KLHL14: variants seen among roughly 807,000 people sequenced by gnomAD.
KLHL14 encodes kelch like family member 14, also known as kelch-like protein 14.
In KLHL14, 22 loss-of-function variants were observed where a neutral mutation model predicts 64.3. That is an observed-to-expected ratio of 0.34 (90% CI 0.24 to 0.49). The LOEUF is 0.49. Ranked by LOEUF, KLHL14 falls within the 20% of genes least tolerant of loss-of-function variation. The pLI is 0.99. For synonymous variants in KLHL14, 322 were observed against 333.4 expected, an observed-to-expected ratio of 0.97 and a Z score of 0.37; for missense variants, 661 against 789.0, an observed-to-expected ratio of 0.84 and a Z score of 1.94.
At chr18:32,731,140 A>G (rs2050135253) in intron 3 of KLHL14, among the ~76,000 whole-genome samples, 1 of 152,244 alleles carries the variant, frequency 6.6e-6, no homozygotes, top group East Asian at 1.9e-4. Flanking sequence ...CCACAAAACC[A>G]AAAATTCTAA....
rs904466725 is a variant in KLHL14 at position 32,683,919 on chromosome 18, GA to G, written c.1238+3235del. Among the ~76,000 whole-genome samples, 7 of 152,064 alleles carry G rather than the reference GA, an allele frequency of 4.6e-5. No homozygotes were observed. The highest frequency in any genetic ancestry group is 4.6e-4 in the Admixed American group (7 of 15,262). Reference sequence around the variant, plus strand: ...TTTCTTGTAACACAAAATATTACTAGAAAAACAAAATATTTAAAATTTGATG... The same window carrying G: ...TTTCTTGTAACACAAAATATTACTAGAAAACAAAATATTTAAAATTTGATG... On this transcript the variant is annotated intron_variant, in intron 5 of 8. Transcript: ENST00000359358. This position sits in a 1 kb window ranked among gnomAD's most constrained non-coding sequence, Gnocchi z 4.2.
intron 2 of KLHL14, among the ~76,000 whole-genome samples, chr18:32,768,448 G>A (rs561921136): frequency 6.1e-4 from 91 of 148,230 alleles, no homozygotes; most frequent in African/African-American, 2.1e-3. Flanking sequence ...AATTCTATAA[G>A]GCTGCACAAG....
intron 3 of KLHL14, among the ~76,000 whole-genome samples, chr18:32,723,176 T>A (rs1327809293): frequency 6.6e-6 from 1 of 152,194 alleles, no homozygotes; most frequent in Non-Finnish European, 1.5e-5. Context: ...TTAAGGAGCT[T>A]GGTTAAGCCA....
chr18:32,679,182 G>A (rs9748435), intron 7 of KLHL14, among the ~76,000 whole-genome samples: 3 of 142,064 alleles, frequency 2.1e-5, no homozygotes, highest in East Asian at 4.0e-4. Context: ...GAATGAACAT[G>A]AACTTGGAAC....
intron 3 of KLHL14, among the ~76,000 whole-genome samples, chr18:32,727,018 A>G (rs1007219324): frequency 6.6e-6 from 1 of 152,202 alleles, no homozygotes; most frequent in Non-Finnish European, 1.5e-5. Context: ...GCCTTTGGAG[A>G]AAGAATTTCC....
At chr18:32,686,618 A>C (rs1455012435) in intron 5 of KLHL14, among the ~76,000 whole-genome samples, 1 of 152,198 alleles carries the variant, frequency 6.6e-6, no homozygotes, top group Non-Finnish European at 1.5e-5. Context: ...GTATGGATTC[A>C]AAGACATTTG....
intron 3 of KLHL14, among the ~76,000 whole-genome samples, chr18:32,709,507 A>C (rs896760727): frequency 4.0e-5 from 6 of 151,548 alleles, no homozygotes; most frequent in African/African-American, 1.5e-4. Flanking sequence ...GAGTGCAGTG[A>C]TGTGATCATA....
intron 3 of KLHL14, among the ~76,000 whole-genome samples, chr18:32,735,333 C>G (rs2050159851): frequency 6.6e-6 from 1 of 152,078 alleles, no homozygotes; most frequent in South Asian, 2.1e-4. Flanking sequence ...CACTGTGTGA[C>G]CCTAGGTATA....
Position 32,769,668 on chromosome 18 carries a change from G to C in KLHL14, c.924C>G (p.His308Gln). The change falls in exon 2 of 9, where the codon CAC (histidine) becomes CAG (glutamine). Residue 308 changes from histidine to glutamine, a missense_variant. Physicochemically the swap from His to Gln is conservative, Grantham distance 24 (BLOSUM62 0). Coordinates refer to ENST00000359358, the MANE Select transcript of KLHL14 (RefSeq NM_020805.3). Reference sequence around the variant, plus strand: ...ACCTGCTGGCCAGGCTCTGCCTGCAGTGCTGCCTGAAGGGCATCAGGTGGT... The same window carrying C: ...ACCTGCTGGCCAGGCTCTGCCTGCACTGCTGCCTGAAGGGCATCAGGTGGT... ...MNYHLMPFRQHCRQSLASRIR... is the reference protein window; with the variant it reads ...MNYHLMPFRQQCRQSLASRIR... 2.1e-6 allele frequency: 3 copies of C among 1,446,410 alleles called. No individual in the cohort carries two copies. Among genetic ancestry groups the C allele is most frequent in the Non-Finnish European group, 2.8e-6 (3 of 1,083,064 alleles). 89.6% of individuals were successfully genotyped at this position (1,446,410 alleles called of 1,614,324 possible). A position where few individuals can be genotyped will look rare whatever the true frequency, so the allele number is the denominator to read the frequency against.
At chr18:32,768,491 G>A (rs2050359056) in intron 2 of KLHL14, among the ~76,000 whole-genome samples, 2 of 151,566 alleles carry the variant, frequency 1.3e-5, no homozygotes. Context: ...CATTCTGACT[G>A]GGAAAATGCC....
At position 32,673,546 on chromosome 18, in the gene KLHL14, AC is replaced by A. The variant is rs2049796039; in HGVS notation, c.*1110del. ...GTTCAGGCATCTCTGGTGATAACAA[AC>A]AAAATATGATGAATTGGGGGAATAA... On this transcript the variant is annotated 3_prime_UTR_variant, in exon 9 of 9. Coordinates refer to ENST00000359358, the MANE Select transcript of KLHL14 (RefSeq NM_020805.3). The A allele has an allele frequency of 6.6e-6, 1 of 152,216 alleles. No individual in the cohort carries two copies. Among genetic ancestry groups the A allele is most frequent in the Admixed American group, 6.5e-5 (1 of 15,268 alleles). The allele number at this position is 152,216 out of a possible 1,614,324, so 9.4% of individuals were successfully genotyped here. A position where few individuals can be genotyped will look rare whatever the true frequency, so the allele number is the denominator to read the frequency against.
intron 3 of KLHL14, among the ~76,000 whole-genome samples, chr18:32,715,116 C>T (rs754921516): frequency 1.2e-4 from 18 of 152,024 alleles, no homozygotes; most frequent in Non-Finnish European, 2.4e-4. Context: ...ATACCCTATG[C>T]TAATATTGTT....
intron 2 of KLHL14, among the ~76,000 whole-genome samples, chr18:32,760,280 T>C (rs2050306843): frequency 2.6e-5 from 4 of 151,978 alleles, no homozygotes; most frequent in Admixed American, 1.3e-4. Flanking sequence ...GAAATCACTC[T>C]ATAGAAAATT....
intron 3 of KLHL14, among the ~76,000 whole-genome samples, chr18:32,730,567 A>G (rs958936558): frequency 1.3e-5 from 2 of 152,224 alleles, no homozygotes; most frequent in Non-Finnish European, 2.9e-5. Flanking sequence ...TACCATTACA[A>G]CAAGACAAAA....
chr18:32,704,100 A>G (rs2049978909), intron 3 of KLHL14, among the ~76,000 whole-genome samples: 1 of 152,206 alleles, frequency 6.6e-6, no homozygotes, highest in Non-Finnish European at 1.5e-5. Context: ...AACCCTCTAA[A>G]TGAATTAAAG....
At chr18:32,720,491 A>G (rs12454337) in intron 3 of KLHL14, among the ~76,000 whole-genome samples, 38,478 of 152,004 alleles carry the variant, frequency 0.25, 5,008 homozygotes, top group Middle Eastern at 0.32. Context: ...TTAAGGCCAA[A>G]TGGAGATGTT....
At chr18:32,685,350 G>A (rs748337691) in intron 5 of KLHL14, among the ~76,000 whole-genome samples, 1 of 152,138 alleles carries the variant, frequency 6.6e-6, no homozygotes, top group Admixed American at 6.5e-5. Flanking sequence ...AATTGACCAC[G>A]ACGTGAGTTA....
chr18:32,677,647 T>G (rs949906080), intron 7 of KLHL14, among the ~76,000 whole-genome samples: 5 of 152,212 alleles, frequency 3.3e-5, no homozygotes, highest in African/African-American at 9.6e-5. Flanking sequence ...AATAATAGTT[T>G]AAGCAAGCAT....
At chr18:32,745,699 A>T (rs1451139745) in intron 2 of KLHL14, 1 of 152,250 alleles carries the variant, frequency 6.6e-6, no homozygotes, top group Non-Finnish European at 1.5e-5. Flanking sequence ...ATACACGTGA[A>T]TAATTCCTGT....
Sources: allele counts gnomAD v4.1 joint callset (sites outside exome capture counted in the v4.1 genomes callset), GRCh38; gene constraint gnomAD v4.1.1; non-coding constraint Gnocchi (gnomAD v3.1); transcripts MANE v1.5; gene names NCBI Gene and HGNC (gene_info 2026-07-23, HGNC 2026-07-21).